Variants in CNTNAP2 observed in about 807,000 individuals in gnomAD.
CNTNAP2 encodes the protein contactin associated protein 2.
A neutral mutation model predicts 155.2 loss-of-function variants in CNTNAP2; 98 were observed. That is an observed-to-expected ratio of 0.63 (90% CI 0.54 to 0.75). CNTNAP2 has a LOEUF of 0.75. CNTNAP2 is among the 30% of genes least tolerant of loss of function. CNTNAP2 has a pLI of 0.00. For synonymous variants in CNTNAP2, 651 were observed against 631.2 expected, an observed-to-expected ratio of 1.03 and a Z score of -0.47; for missense variants, 1,727 against 1,688.1, an observed-to-expected ratio of 1.02 and a Z score of -0.40.
intron 4 of CNTNAP2, among the ~76,000 whole-genome samples, chr7:147,068,343 CTTTA>C (rs1054580821): frequency 2.0e-5 from 3 of 152,118 alleles, no homozygotes; most frequent in Non-Finnish European, 2.9e-5. Context: ...AATAAATTGA[CTTTA>C]TTTATTTATT....
chr7:147,645,940 T>C (rs1229320795), intron 13 of CNTNAP2, among the ~76,000 whole-genome samples: 1 of 152,136 alleles, frequency 6.6e-6, no homozygotes, highest in African/African-American at 2.4e-5. Flanking sequence ...CGGAAATTAA[T>C]TCAGAGTCTC....
At chr7:147,568,506 A>T (rs1236007932) in intron 12 of CNTNAP2, among the ~76,000 whole-genome samples, 2 of 152,194 alleles carry the variant, frequency 1.3e-5, no homozygotes, top group Non-Finnish European at 2.9e-5. Flanking sequence ...AATCCTTTGT[A>T]GAAAAATTTA....
At chr7:147,067,776 A>G (rs1329643107) in intron 4 of CNTNAP2, among the ~76,000 whole-genome samples, 1 of 152,234 alleles carries the variant, frequency 6.6e-6, no homozygotes. Context: ...TCTGTTGAGT[A>G]TCTTATGAAG....
At chr7:147,884,222 G>C (rs118114254) in intron 13 of CNTNAP2, among the ~76,000 whole-genome samples, 1,669 of 152,290 alleles carry the variant, frequency 0.011, 88 homozygotes, top group Admixed American at 0.091. Context: ...GGAACAGCGT[G>C]AGCAAAAGCC....
rs371229319 is a variant in CNTNAP2 at position 146,673,753 on chromosome 7, A to T, written c.98-100518A>T. On this transcript the variant is annotated intron_variant, in intron 1 of 23. Coordinates refer to ENST00000361727, the MANE Select transcript of CNTNAP2 (RefSeq NM_014141.6). ...GAGCACCATGCTCAGCTAATTCTTA[A>T]TTTTTTTTTCTAGAGATAGAGGTCT... Among the ~76,000 whole-genome samples, 16 of 151,658 alleles carry T rather than the reference A, an allele frequency of 1.1e-4. No individual in the cohort carries two copies. The East Asian group carries it at 2.5e-3, about 24-fold the overall frequency.
chr7:147,601,626 C>A (rs1375348867), intron 12 of CNTNAP2, among the ~76,000 whole-genome samples: 1 of 93,674 alleles, frequency 1.1e-5, no homozygotes, highest in Non-Finnish European at 2.0e-5. Context: ...CTCTTAAAGA[C>A]ATTGACTCTT....
intron 18 of CNTNAP2, among the ~76,000 whole-genome samples, chr7:148,214,859 G>A (rs540933022): frequency 4.8e-4 from 73 of 152,246 alleles, no homozygotes; most frequent in Admixed American, 7.2e-4. Flanking sequence ...GAGAGCCACC[G>A]CGCCCCGCCC....
intron 12 of CNTNAP2, among the ~76,000 whole-genome samples, chr7:147,628,440 T>C (rs1244831201): frequency 1.3e-5 from 2 of 151,952 alleles, no homozygotes; most frequent in Non-Finnish European, 2.9e-5. Flanking sequence ...GCTGAGAAAA[T>C]TTGCCACAAC....
chr7:146,711,506 T>C (rs1021941490), intron 1 of CNTNAP2, among the ~76,000 whole-genome samples: 5 of 148,982 alleles, frequency 3.4e-5, no homozygotes, highest in Non-Finnish European at 7.4e-5. Flanking sequence ...ACTGTTACCA[T>C]GTGCCTGGAA....
chr7:146,695,384 A>G (rs1339240763), intron 1 of CNTNAP2, among the ~76,000 whole-genome samples: 1 of 150,568 alleles, frequency 6.6e-6, no homozygotes, highest in Non-Finnish European at 1.5e-5. Flanking sequence ...GATAAATTAC[A>G]TTGATTTTTA....
At chr7:146,125,916 A>G (rs538967436) in intron 1 of CNTNAP2, among the ~76,000 whole-genome samples, 2 of 152,214 alleles carry the variant, frequency 1.3e-5, no homozygotes, top group Admixed American at 6.5e-5. Context: ...GCAGCAGTAC[A>G]TATTATACTT....
At chr7:146,830,865 G>A (rs1196834142) in intron 2 of CNTNAP2, among the ~76,000 whole-genome samples, 2 of 152,186 alleles carry the variant, frequency 1.3e-5, no homozygotes, top group African/African-American at 4.8e-5. Context: ...ATGAAAGCCT[G>A]TGGAACATCA....
intron 8 of CNTNAP2, among the ~76,000 whole-genome samples, chr7:147,137,457 CA>C (rs1197751428): frequency 2.0e-5 from 3 of 151,316 alleles, no homozygotes; most frequent in Non-Finnish European, 4.4e-5. Context: ...ATATTTTCTC[CA>C]ATAAACATCA....
chr7:147,553,666 A>G (rs993379565), intron 11 of CNTNAP2, among the ~76,000 whole-genome samples: 1 of 152,168 alleles, frequency 6.6e-6, no homozygotes, highest in Non-Finnish European at 1.5e-5. Context: ...TACTACTACC[A>G]CATTAGTAGG....
chr7:147,035,298 A>G (rs762370558), intron 3 of CNTNAP2, among the ~76,000 whole-genome samples: 2 of 152,214 alleles, frequency 1.3e-5, no homozygotes, highest in African/African-American at 4.8e-5. Context: ...GCAGTATTTT[A>G]TGAAGGTCCT....
chr7:148,018,709 G>T (rs1358399456), intron 15 of CNTNAP2, among the ~76,000 whole-genome samples: 1 of 152,196 alleles, frequency 6.6e-6, no homozygotes, highest in East Asian at 1.9e-4. Context: ...CTCCACAATG[G>T]CTTCCAGCCC....
At chr7:147,578,116 C>A (rs530237243) in intron 12 of CNTNAP2, among the ~76,000 whole-genome samples, 1 of 151,914 alleles carries the variant, frequency 6.6e-6, no homozygotes, top group Non-Finnish European at 1.5e-5. Flanking sequence ...ATAGATGCTG[C>A]GGTTTTATCA....
At position 146,311,623 on chromosome 7, in the gene CNTNAP2, AAAAAAGAAAG is replaced by A. The variant is rs1307887277; in HGVS notation, c.97+194654_97+194663del. ...TTGTCTTTACAAAAAAAAAAAAAAA[AAAAAAGAAAG>A]AAAGACAGAAATTAGGAAAGAAAGC... is the stretch of plus-strand genomic sequence containing the variant. On this transcript the variant is annotated intron_variant, in intron 1 of 23. Coordinates refer to ENST00000361727, the MANE Select transcript of CNTNAP2 (RefSeq NM_014141.6). The A allele has an allele frequency of 1.8e-3, 276 of 149,684 alleles. 2 individuals are homozygous for A. The highest frequency in any genetic ancestry group is 6.3e-3 in the African/African-American group (256 of 40,914). 9.3% of individuals were successfully genotyped at this position (149,684 alleles called of 1,614,324 possible). A position where few individuals can be genotyped will look rare whatever the true frequency, so the allele number is the denominator to read the frequency against.
chr7:146,175,087 G>A (rs1247203443), intron 1 of CNTNAP2, among the ~76,000 whole-genome samples: 1 of 152,042 alleles, frequency 6.6e-6, no homozygotes, highest in African/African-American at 2.4e-5. Context: ...CAAGCTATCG[G>A]CTGAAACCAG....
Sources: gnomAD v4.1 joint callset for allele counts (sites outside exome capture counted in the v4.1 genomes callset) on GRCh38, gnomAD v4.1.1 for gene constraint, MANE v1.5 for transcripts, NCBI Gene and HGNC (gene_info 2026-07-23, HGNC 2026-07-21) for gene names.